RAI1: variants seen among roughly 807,000 people sequenced by gnomAD.
RAI1 encodes the protein retinoic acid-induced protein 1.
A neutral mutation model predicts 123.8 loss-of-function variants in RAI1; 9 were observed. That is an observed-to-expected ratio of 0.07 (90% CI 0.04 to 0.13). The LOEUF is 0.13. Among genes scored for constraint, RAI1 ranks in the 10% least tolerant of loss-of-function variants. RAI1 has a pLI of 1.00. For synonymous variants in RAI1, 1,231 were observed against 1,127.3 expected (o/e 1.09, Z -1.84); for missense variants, 2,256 against 2,545.8 (o/e 0.89, Z 2.45).
At chr17:17,771,441 A>G (rs1428130634) in intron 2 of RAI1, among the ~76,000 whole-genome samples, 1 of 152,228 alleles carries the variant, frequency 6.6e-6, no homozygotes, top group African/African-American at 2.4e-5. Flanking sequence ...AAAATCCTTT[A>G]GCAGTGGCTC....
Position 17,685,909 on chromosome 17 carries a change from T to C in RAI1, c.-149+4116T>C, listed in dbSNP as rs2142854678. Among the ~76,000 whole-genome samples, 1 of 152,268 alleles carries C rather than the reference T, an allele frequency of 6.6e-6. No homozygotes were observed. Among genetic ancestry groups the C allele is most frequent in the Middle Eastern group, 3.4e-3 (1 of 292 alleles). ...ATCGGGCTGGGCTGTTCCTTCCACC[T>C]GGGATGCCCCTCACCTTCCTCCCTG... On this transcript the variant is annotated intron_variant, in intron 1 of 5. Coordinates refer to ENST00000353383, the MANE Select transcript of RAI1 (RefSeq NM_030665.4). The surrounding 1 kb of genome is among the most constrained non-coding windows in gnomAD (Gnocchi z 4.0).
Position 17,797,743 on chromosome 17 carries a change from G to T in RAI1, c.4795G>T (p.Val1599Leu), listed in dbSNP as rs2032316092. ...CCGGACCCCCGCCTTCTCACCCTTC[G>T]TGCGGGTGGAGAAGCGAGACGCGTT... is the stretch of plus-strand genomic sequence containing the variant. Reference protein sequence around the residue: ...DSRTPAFSPFVRVEKRDAFTT... With the variant: ...DSRTPAFSPFLRVEKRDAFTT... Residue 1599 changes from valine to leucine, a missense_variant, in exon 3 of 6, where the codon GTG (valine) becomes TTG (leucine). Val to Leu is a conservative substitution (Grantham distance 32). Coordinates refer to ENST00000353383, the MANE Select transcript of RAI1 (RefSeq NM_030665.4). The T allele has an allele frequency of 6.2e-7, 1 of 1,614,000 alleles. No homozygotes were observed. Among genetic ancestry groups the T allele is most frequent in the Non-Finnish European group, 8.5e-7 (1 of 1,179,988 alleles).
chr17:17,748,659 A>T (rs1187608083), intron 2 of RAI1, among the ~76,000 whole-genome samples: 1 of 152,188 alleles, frequency 6.6e-6, no homozygotes, highest in Non-Finnish European at 1.5e-5. Flanking sequence ...GAAAAGGTGT[A>T]GGAGGATGGG....
chr17:17,796,239 G>A lies in RAI1; in HGVS notation c.3291G>A (p.Arg1097=), dbSNP rs779869345. The change falls in exon 3 of 6, where the codon CGG becomes CGA. Residue 1097 remains arginine, a synonymous_variant. Transcript: ENST00000353383. The surrounding 1 kb of genome is among the most constrained non-coding windows in gnomAD (Gnocchi z 5.8). ...GAGCCGCCTTCAAGTCGGGCAAGCG[G>A]GTGGGGAAGCCCTCACCCAAGGCTG... ...KQRAAFKSGK[R]VGKPSPKAAS... The A allele has an allele frequency of 1.9e-6, 3 of 1,573,314 alleles. No homozygotes were observed. Among genetic ancestry groups the A allele is most frequent in the Admixed American group, 1.8e-5 (1 of 55,104 alleles).
chr17:17,808,042 C>A (rs952046419), intron 4 of RAI1, among the ~76,000 whole-genome samples: 3 of 152,240 alleles, frequency 2.0e-5, no homozygotes, highest in Non-Finnish European at 2.9e-5. Context: ...ACAGAGCCAC[C>A]TCCAGTGTGA....
chr17:17,761,721 A>G (rs934615994), intron 2 of RAI1, among the ~76,000 whole-genome samples: 1 of 152,150 alleles, frequency 6.6e-6, no homozygotes. Context: ...GTTGCTGGGC[A>G]TGAAATTTGG....
At chr17:17,717,763 G>T (rs1273342764) in intron 1 of RAI1, among the ~76,000 whole-genome samples, 2 of 152,204 alleles carry the variant, frequency 1.3e-5, no homozygotes, top group African/African-American at 4.8e-5. Flanking sequence ...GAAGGAAGAT[G>T]AATACCCATA....
intron 1 of RAI1, among the ~76,000 whole-genome samples, chr17:17,713,751 A>T (rs888255378): frequency 6.6e-6 from 1 of 152,208 alleles, no homozygotes; most frequent in Non-Finnish European, 1.5e-5. Context: ...TGTACTTTTC[A>T]ATTTTTAAAA....
chr17:17,693,544 C>G (rs574430721), intron 1 of RAI1, among the ~76,000 whole-genome samples: 1 of 152,372 alleles, frequency 6.6e-6, no homozygotes, highest in East Asian at 1.9e-4. Context: ...AGGCTAGGAG[C>G]CCCTTGCACT....
chr17:17,785,764 G>A (rs891386956), intron 2 of RAI1, among the ~76,000 whole-genome samples: 1 of 152,056 alleles, frequency 6.6e-6, no homozygotes, highest in African/African-American at 2.4e-5. Flanking sequence ...GCTCTCCTGC[G>A]TTGCTCTGCT....
At chr17:17,770,509 C>T (rs560796297) in intron 2 of RAI1, among the ~76,000 whole-genome samples, 4 of 152,116 alleles carry the variant, frequency 2.6e-5, no homozygotes, top group Admixed American at 6.5e-5. Flanking sequence ...TTGGGCTCCC[C>T]GGCCAATTCC....
Position 17,681,583 on chromosome 17 carries a change from A to G in RAI1, c.-359A>G. 1 of 185,310 alleles carries G rather than the reference A, an allele frequency of 5.4e-6. No individual in the cohort carries two copies. The highest frequency in any genetic ancestry group is 1.4e-4 in the East Asian group (1 of 6,932). 11.5% of individuals were successfully genotyped at this position (185,310 alleles called of 1,614,324 possible). On this transcript the variant is annotated 5_prime_UTR_variant, in exon 1 of 6. Coordinates refer to ENST00000353383, the MANE Select transcript of RAI1 (RefSeq NM_030665.4). ...GCTCCGAGAGACGAGTGGGAGAGCG[A>G]GTGCAGCGAGGGCGAGAGGCGAGCC... is the stretch of plus-strand genomic sequence containing the variant.
chr17:17,683,097 G>A (rs1413807983), intron 1 of RAI1, among the ~76,000 whole-genome samples: 2 of 152,222 alleles, frequency 1.3e-5, no homozygotes, highest in African/African-American at 2.4e-5. Context: ...TCTTTCCAAT[G>A]CAGTAGTGTG....
chr17:17,726,400 C>A (rs1916091194), intron 2 of RAI1, among the ~76,000 whole-genome samples: 1 of 131,502 alleles, frequency 7.6e-6, no homozygotes, highest in Non-Finnish European at 1.6e-5. Context: ...GGGTGAGGCT[C>A]TGGGAGGCAG....
At chr17:17,723,668 C>T (rs376457028) in intron 1 of RAI1, among the ~76,000 whole-genome samples, 2 of 148,188 alleles carry the variant, frequency 1.3e-5, no homozygotes, top group African/African-American at 5.0e-5. Context: ...CATCTCTCGC[C>T]CCCCCGCCCG....
intron 2 of RAI1, among the ~76,000 whole-genome samples, chr17:17,783,664 T>G (rs1301920792): frequency 6.6e-6 from 1 of 152,050 alleles, no homozygotes; most frequent in Non-Finnish European, 1.5e-5. Context: ...GCGCCCGCAC[T>G]CGCTGCCGCA....
At chr17:17,807,707 C>T (rs539015911) in intron 4 of RAI1, among the ~76,000 whole-genome samples, 93 of 152,318 alleles carry the variant, frequency 6.1e-4, no homozygotes, top group Non-Finnish European at 1.1e-3. Context: ...TGGCGACCTC[C>T]TACCCTCAAC....
chr17:17,716,564 G>A (rs1743985052), intron 1 of RAI1, among the ~76,000 whole-genome samples: 1 of 152,216 alleles, frequency 6.6e-6, no homozygotes, highest in Admixed American at 6.5e-5. Context: ...CTGTGTGCAT[G>A]TGTATGTGGT....
At chr17:17,762,263 C>G (rs1352930971) in intron 2 of RAI1, among the ~76,000 whole-genome samples, 1 of 152,098 alleles carries the variant, frequency 6.6e-6, no homozygotes, top group East Asian at 1.9e-4. Flanking sequence ...GATGAGGTGA[C>G]TGGGCTCATT....
Sources: allele counts gnomAD v4.1 joint callset (sites outside exome capture counted in the v4.1 genomes callset), GRCh38; gene constraint gnomAD v4.1.1; non-coding constraint Gnocchi (gnomAD v3.1); transcripts MANE v1.5; gene names NCBI Gene and HGNC (gene_info 2026-07-23, HGNC 2026-07-21).